The following LRP1B variants were observed in gnomAD, a reference collection of about 807,000 sequenced individuals.
The protein encoded by LRP1B is LDL receptor related protein 1B, also known as low-density lipoprotein receptor-related protein 1B.
A neutral mutation model predicts 556.6 loss-of-function variants in LRP1B; 217 were observed. The ratio of observed to expected loss-of-function variants is 0.39; its 90% CI spans 0.35 to 0.44. The LOEUF is 0.44. Among genes scored for constraint, LRP1B ranks in the 20% least tolerant of loss-of-function variants. The pLI, the probability that LRP1B is intolerant of heterozygous loss-of-function variation, is 1.00. For missense variants in LRP1B, 5,053 were observed against 5,620.8 expected (o/e 0.90, Z 3.23); for synonymous variants, 2,047 against 1,865.8 (o/e 1.10, Z -2.50).
intron 53 of LRP1B, among the ~76,000 whole-genome samples, chr2:140,504,125 C>T (rs1187262205): frequency 6.6e-6 from 1 of 152,060 alleles, no homozygotes; most frequent in African/African-American, 2.4e-5. Context: ...CCCAATCTGG[C>T]TTCCACTTAC....
At chr2:140,455,718 T>C (rs1446756215) in intron 62 of LRP1B, among the ~76,000 whole-genome samples, 4 of 152,198 alleles carry the variant, frequency 2.6e-5, no homozygotes, top group African/African-American at 7.2e-5. Flanking sequence ...ATTCAGTCTC[T>C]TGCAATGAAA....
chr2:141,505,266 A>C (rs1006525518), intron 2 of LRP1B, among the ~76,000 whole-genome samples: 9 of 151,908 alleles, frequency 5.9e-5, no homozygotes, highest in African/African-American at 2.2e-4. Context: ...ATTTCTTCAT[A>C]TATTCAGAGG....
At chr2:140,526,698 CAAA>C (rs35329112) in intron 47 of LRP1B, among the ~76,000 whole-genome samples, 4,326 of 136,242 alleles carry the variant, frequency 0.032, 225 homozygotes, top group African/African-American at 0.11. Flanking sequence ...AGCACTGAGC[CAAA>C]AAAAAAAAAA....
chr2:141,520,473 G>GT (rs113276738), intron 2 of LRP1B, among the ~76,000 whole-genome samples: 87 of 148,772 alleles, frequency 5.8e-4, no homozygotes, highest in African/African-American at 1.4e-3. Flanking sequence ...AATCATCCCT[G>GT]TTTTTTTTTT....
intron 11 of LRP1B, among the ~76,000 whole-genome samples, chr2:141,031,186 G>A (rs1307343855): frequency 6.6e-6 from 1 of 151,280 alleles, no homozygotes; most frequent in East Asian, 1.9e-4. Context: ...GAGACCATCA[G>A]ACCATGGAGT....
chr2:141,450,358 G>T (rs1573958867), intron 3 of LRP1B, among the ~76,000 whole-genome samples: 1 of 152,048 alleles, frequency 6.6e-6, no homozygotes, highest in African/African-American at 2.4e-5. Flanking sequence ...TCTTGGGAAG[G>T]ATATTTAACA....
At chr2:141,082,077 C>A (rs1367176659) in intron 7 of LRP1B, among the ~76,000 whole-genome samples, 1 of 152,040 alleles carries the variant, frequency 6.6e-6, no homozygotes, top group African/African-American at 2.4e-5. Context: ...AGGAACAGTT[C>A]TCTGTGTGAA....
chr2:141,303,388 T>A (rs942168539), intron 3 of LRP1B, among the ~76,000 whole-genome samples: 39 of 152,154 alleles, frequency 2.6e-4, no homozygotes, highest in African/African-American at 9.4e-4. Context: ...CCTACATATC[T>A]GTACAGTTGT....
At chr2:140,328,154 C>G (rs1680595963) in intron 79 of LRP1B, among the ~76,000 whole-genome samples, 2 of 151,924 alleles carry the variant, frequency 1.3e-5, no homozygotes, top group Non-Finnish European at 2.9e-5. Context: ...TCAAGAAACT[C>G]ATTTTTATCT....
intron 43 of LRP1B, among the ~76,000 whole-genome samples, chr2:140,554,519 C>T (rs1483729282): frequency 6.6e-6 from 1 of 151,996 alleles, no homozygotes; most frequent in Non-Finnish European, 1.5e-5. Context: ...GTCAATTCAA[C>T]AGTGTTTTTC....
chr2:140,772,554 T>C (rs987360564), intron 33 of LRP1B, among the ~76,000 whole-genome samples: 3 of 152,020 alleles, frequency 2.0e-5, no homozygotes, highest in Non-Finnish European at 4.4e-5. Flanking sequence ...CAGTGATCCA[T>C]CCACCTCGGC....
chr2:141,537,248 C>T (rs1685097506), intron 2 of LRP1B, among the ~76,000 whole-genome samples: 1 of 151,898 alleles, frequency 6.6e-6, no homozygotes, highest in Admixed American at 6.6e-5. Flanking sequence ...AAAATATATG[C>T]ATTAAGAAAA....
chr2:140,468,495 G>C (rs1467968360), intron 60 of LRP1B, among the ~76,000 whole-genome samples: 1 of 152,154 alleles, frequency 6.6e-6, no homozygotes, highest in African/African-American at 2.4e-5. Context: ...AAGCAGAGCT[G>C]TGGGGGTGGA....
Position 140,657,363 on chromosome 2 carries a change from T to G in LRP1B, c.6799+42887A>C, listed in dbSNP as rs1003225067. On this transcript the variant is annotated intron_variant, in intron 41 of 90. Transcript: ENST00000389484. ...GAGAAAGAGAGGCCCAGAAACTCAC[T>G]GATTTTCTCAGCACTTCGTATCCTA... Among the ~76,000 whole-genome samples, 4 of 151,898 alleles carry G rather than the reference T, an allele frequency of 2.6e-5. No individual in the cohort carries two copies. The East Asian group carries it at 7.7e-4, about 29-fold the overall frequency.
chr2:140,949,031 A>G (rs920928771), intron 20 of LRP1B, among the ~76,000 whole-genome samples: 8 of 152,208 alleles, frequency 5.3e-5, no homozygotes, highest in African/African-American at 1.7e-4. Context: ...AGGTTGACAA[A>G]TATTGCAGAA....
intron 2 of LRP1B, among the ~76,000 whole-genome samples, chr2:141,777,661 C>T (rs895947528): frequency 1.3e-5 from 2 of 152,026 alleles, no homozygotes; most frequent in Non-Finnish European, 2.9e-5. Context: ...GTGATCCACC[C>T]ATCTCGGCCT....
chr2:142,032,059 C>T (rs1300833125), intron 1 of LRP1B, among the ~76,000 whole-genome samples: 4 of 151,860 alleles, frequency 2.6e-5, no homozygotes, highest in African/African-American at 9.7e-5. Context: ...TTGATCTCAA[C>T]TTCTAGCCTC....
At chr2:141,798,044 G>T (rs897586826) in intron 2 of LRP1B, among the ~76,000 whole-genome samples, 7 of 152,012 alleles carry the variant, frequency 4.6e-5, no homozygotes, top group African/African-American at 1.7e-4. Flanking sequence ...AGTTTGAATG[G>T]GAATTAGATA....
chr2:140,281,395 T>C (rs570138363), intron 84 of LRP1B, among the ~76,000 whole-genome samples: 1 of 151,956 alleles, frequency 6.6e-6, no homozygotes. Flanking sequence ...ATTAGTGAAG[T>C]GTGAAATTTA....
Sources: allele counts gnomAD v4.1 joint callset (sites outside exome capture counted in the v4.1 genomes callset), GRCh38; gene constraint gnomAD v4.1.1; transcripts MANE v1.5; gene names NCBI Gene and HGNC (gene_info 2026-07-23, HGNC 2026-07-21).